The following DNAJC27 variants were observed in gnomAD, a reference collection of about 807,000 sequenced individuals.
DNAJC27 encodes the protein DnaJ heat shock protein family (Hsp40) member C27, also known as dnaJ homolog subfamily C member 27.
In DNAJC27, 25 loss-of-function variants were observed where a neutral mutation model predicts 31.4. The observed-to-expected ratio is 0.80, with a 90% confidence interval of 0.58 to 1.11. The LOEUF is 1.11. Ranked by LOEUF, DNAJC27 falls within the 50% of genes most tolerant of loss-of-function variation. The pLI is 0.00. For synonymous variants in DNAJC27, 106 were observed against 112.7 expected (o/e 0.94, Z 0.37); for missense variants, 356 against 347.3 (o/e 1.02, Z -0.20).
At chr2:24,949,756 C>G (rs970868756) in intron 6 of DNAJC27, among the ~76,000 whole-genome samples, 1 of 152,070 alleles carries the variant, frequency 6.6e-6, no homozygotes, top group African/African-American at 2.4e-5. Flanking sequence ...TTTCTTCTTT[C>G]TTAATGAATA....
intron 6 of DNAJC27, among the ~76,000 whole-genome samples, chr2:24,949,055 G>C (rs758442556): frequency 6.6e-6 from 1 of 152,116 alleles, no homozygotes; most frequent in Non-Finnish European, 1.5e-5. Flanking sequence ...AGTCTTAGGC[G>C]TACATTCTAG....
rs183166098 is a variant in DNAJC27, at chr2:24,961,983, T to C, written c.240+1422A>G. 9.1e-4 allele frequency among the ~76,000 whole-genome samples: 138 copies of C among 152,300 alleles called. 1 individual carries two copies. Among genetic ancestry groups the C allele is most frequent in the African/African-American group, 3.2e-3 (131 of 41,572 alleles). On this transcript the variant is annotated intron_variant, in intron 3 of 6. Coordinates refer to ENST00000264711, the MANE Select transcript of DNAJC27 (RefSeq NM_016544.3). The stretch of plus-strand genomic sequence containing the variant: ...TAATGTGGGTGAAAATGCTGTCAAA[T>C]AGCATTGCATGGTACAGAGAAATCT...
chr2:24,950,229 C>T (rs1038827444), intron 6 of DNAJC27, among the ~76,000 whole-genome samples: 10 of 152,124 alleles, frequency 6.6e-5, no homozygotes, highest in African/African-American at 2.2e-4. Flanking sequence ...TTCCCTTCCC[C>T]GCTTTCCTTC....
chr2:24,967,427 GCGGTGGCTCACGCCT>G (rs1345966680), intron 1 of DNAJC27, 134 bp from the exon 2 acceptor site: 1 of 704,292 alleles, frequency 1.4e-6, no homozygotes, highest in Non-Finnish European at 2.4e-6. Flanking sequence ...GTGGCGGGGC[GCGGTGGCTCACGCCT>G]GTCATCTCAG....
At position 24,963,520 on chromosome 2, in the gene DNAJC27, T is replaced by A. The variant is rs746789441; in HGVS notation, c.171-46A>T. The A allele has an allele frequency of 2.7e-6, 4 of 1,482,922 alleles. No homozygotes were observed. In the South Asian group the frequency reaches 4.7e-5, roughly 17 times the overall value. 91.9% of individuals were successfully genotyped at this position (1,482,922 alleles called of 1,614,324 possible). A position where few individuals can be genotyped will look rare whatever the true frequency, so the allele number is the denominator to read the frequency against. On this transcript the variant is annotated intron_variant, in intron 2 of 6. Transcript: ENST00000264711. ...CAATCCGAAAGAAAGTCATGGTTTC[T>A]CCATTTACCTTAATATCATTTATAA...
At chr2:24,956,253 G>T (rs926627146) in intron 5 of DNAJC27, among the ~76,000 whole-genome samples, 1 of 152,102 alleles carries the variant, frequency 6.6e-6, no homozygotes, top group African/African-American at 2.4e-5. Flanking sequence ...CAAAATATCA[G>T]ATATATTCAT....
intron 6 of DNAJC27, among the ~76,000 whole-genome samples, chr2:24,951,102 CTT>C (rs1252820797): frequency 6.6e-6 from 1 of 152,180 alleles, no homozygotes; most frequent in Non-Finnish European, 1.5e-5. Flanking sequence ...GAAGAATTCT[CTT>C]TTGTTAGTTC....
intron 2 of DNAJC27, among the ~76,000 whole-genome samples, chr2:24,964,501 G>A (rs1666129389): frequency 6.6e-6 from 1 of 151,908 alleles, no homozygotes; most frequent in Non-Finnish European, 1.5e-5. Context: ...GTTATTCCAG[G>A]CCAACAGGTA....
intron 6 of DNAJC27, among the ~76,000 whole-genome samples, 192 bp from the exon 7 acceptor site, chr2:24,947,940 GAA>G (rs1162543231): frequency 1.3e-5 from 2 of 152,118 alleles, no homozygotes; most frequent in Non-Finnish European, 2.9e-5. Flanking sequence ...AACACAAATT[GAA>G]AAAGTTATTA....
chr2:24,961,136 CA>C, intron 3 of DNAJC27, among the ~76,000 whole-genome samples: 1 of 152,198 alleles, frequency 6.6e-6, no homozygotes, highest in Non-Finnish European at 1.5e-5. Flanking sequence ...AGCTGATGCT[CA>C]TTTGCCATAA....
In DNAJC27 at chr2:24,957,687, T is replaced by C. The variant is rs1260174735; in HGVS notation, c.405+123A>G. Reference sequence around the variant, plus strand: ...TTGTTTTTGTCTTAGGGACATTATGTTTTGAAAGGTTATTGATTTCCATAT... The same window carrying C: ...TTGTTTTTGTCTTAGGGACATTATGCTTTGAAAGGTTATTGATTTCCATAT... On this transcript the variant is annotated intron_variant, in intron 4 of 6. Transcript: ENST00000264711. 6.4e-6 allele frequency: 6 copies of C among 935,708 alleles called. No individual in the cohort carries two copies. In the South Asian group the frequency reaches 1.0e-4, roughly 16 times the overall value. 58.0% of individuals were successfully genotyped at this position (935,708 alleles called of 1,614,324 possible).
At chr2:24,957,592 A>G (rs1293350659) in intron 4 of DNAJC27, among the ~76,000 whole-genome samples, 1 of 150,156 alleles carries the variant, frequency 6.7e-6, no homozygotes, top group African/African-American at 2.5e-5. Context: ...ATCCTTCCCC[A>G]TGTATGGCAC....
At chr2:24,971,609 A>T (rs1666339877) in intron 1 of DNAJC27, 2 of 483,886 alleles carry the variant, frequency 4.1e-6, no homozygotes, top group Non-Finnish European at 3.7e-6. Context: ...CATCTCCGGA[A>T]GAGTGACGTC....
At chr2:24,963,045 T>C (rs1666087773) in intron 3 of DNAJC27, 2 of 206,796 alleles carry the variant, frequency 9.7e-6, no homozygotes, top group African/African-American at 2.3e-5. Flanking sequence ...ATCACCCCAG[T>C]ACCCTGCTGT....
At chr2:24,953,741 T>C in intron 5 of DNAJC27, 32 of 152,582 alleles carry the variant, frequency 2.1e-4, no homozygotes, top group Middle Eastern at 3.4e-3. Flanking sequence ...GAAATATGAA[T>C]ATTCATAGAT....
chr2:24,954,652 G>A (rs921424213), intron 5 of DNAJC27, among the ~76,000 whole-genome samples: 1 of 152,180 alleles, frequency 6.6e-6, no homozygotes, highest in African/African-American at 2.4e-5. Flanking sequence ...AGAATCAATA[G>A]TCAGGCTGGG....
At chr2:24,952,586 T>C (rs566675393) in intron 5 of DNAJC27, among the ~76,000 whole-genome samples, 1 of 152,314 alleles carries the variant, frequency 6.6e-6, no homozygotes, top group African/African-American at 2.4e-5. Context: ...CTCAGTACAC[T>C]TGTGGGGATA....
At chr2:24,968,795 T>C (rs1174794239) in intron 1 of DNAJC27, among the ~76,000 whole-genome samples, 1 of 152,218 alleles carries the variant, frequency 6.6e-6, no homozygotes, top group East Asian at 1.9e-4. Context: ...CTGGGTTTAT[T>C]ACTGGACTCT....
chr2:24,947,715 A>G lies in DNAJC27; in HGVS notation c.723T>C (p.Ala241=). The G allele has an allele frequency of 6.2e-7, 1 of 1,613,744 alleles. No homozygotes were observed. The highest frequency in any genetic ancestry group is 1.1e-5 in the South Asian group (1 of 91,070). Residue 241 remains alanine (A), a synonymous_variant, in exon 7 of 7, where the codon GCT becomes GCC. Transcript: ENST00000264711. ...DEVNKAYRKL[A]VLLHPDKCVA... is the part of the protein sequence containing the mutation. ...CACATTTGTCAGGGTGAAGAAGCACAGCAAGTTTCCGATACGCTTTATTGA... is the reference window on the plus strand; with the variant it reads ...CACATTTGTCAGGGTGAAGAAGCACGGCAAGTTTCCGATACGCTTTATTGA...
Sources: gnomAD v4.1 joint callset for allele counts (sites outside exome capture counted in the v4.1 genomes callset) on GRCh38, gnomAD v4.1.1 for gene constraint, MANE v1.5 for transcripts, NCBI Gene and HGNC (gene_info 2026-07-23, HGNC 2026-07-21) for gene names.